PLEKHG1: variants seen among roughly 807,000 people sequenced by gnomAD.
The protein encoded by PLEKHG1 is pleckstrin homology domain-containing family G member 1.
A neutral mutation model predicts 100.8 loss-of-function variants in PLEKHG1; 44 were observed. That is an observed-to-expected ratio of 0.44 (90% CI 0.34 to 0.56). The LOEUF (loss-of-function observed/expected upper bound fraction) is 0.56. PLEKHG1 is among the 20% of genes least tolerant of loss of function. The pLI is 0.01. For missense variants in PLEKHG1, 1,545 were observed against 1,720.9 expected (o/e 0.90, Z 1.81); for synonymous variants, 640 against 662.5 (o/e 0.97, Z 0.52).
intron 2 of PLEKHG1, among the ~76,000 whole-genome samples, chr6:150,740,338 A>G (rs1782782734): frequency 6.6e-6 from 1 of 152,198 alleles, no homozygotes; most frequent in African/African-American, 2.4e-5. Context: ...CTTTTTCCTT[A>G]GCCATAGTGG....
intron 14 of PLEKHG1, among the ~76,000 whole-genome samples, chr6:150,827,046 C>A (rs1343796636): frequency 1.8e-5 from 2 of 110,300 alleles, no homozygotes; most frequent in Non-Finnish European, 3.9e-5. Context: ...TCTTTCTTTT[C>A]TTCCTTCTTT....
intron 4 of PLEKHG1, among the ~76,000 whole-genome samples, chr6:150,789,283 G>A (rs1180795977): frequency 2.0e-5 from 3 of 152,088 alleles, no homozygotes; most frequent in Non-Finnish European, 2.9e-5. Context: ...CTTTTCTTAT[G>A]ATTTATATAT....
chr6:150,812,676 A>T (rs535290289), intron 10 of PLEKHG1, among the ~76,000 whole-genome samples: 3 of 152,336 alleles, frequency 2.0e-5, no homozygotes, highest in African/African-American at 7.2e-5. Flanking sequence ...AGAGCAAAGC[A>T]AGACTTCTCG....
chr6:150,790,332 C>A (rs1049972711), intron 4 of PLEKHG1, among the ~76,000 whole-genome samples: 9 of 152,044 alleles, frequency 5.9e-5, no homozygotes, highest in African/African-American at 2.2e-4. Flanking sequence ...TGGCCAAAAT[C>A]AAAATATTTA....
At chr6:150,675,402 C>T (rs755690559) in intron 3 of PLEKHG1, among the ~76,000 whole-genome samples, 4 of 152,172 alleles carry the variant, frequency 2.6e-5, no homozygotes, top group Admixed American at 6.5e-5. Context: ...GTCTCCTGTG[C>T]GTTCATCACA....
At chr6:150,674,677 CTCT>C (rs1779692298) in intron 3 of PLEKHG1, among the ~76,000 whole-genome samples, 1 of 141,676 alleles carries the variant, frequency 7.1e-6, no homozygotes, top group Non-Finnish European at 1.5e-5. Flanking sequence ...CTCTCTCTCT[CTCT>C]CTCCCCCCTC....
At chr6:150,805,955 T>C (rs953193383) in intron 7 of PLEKHG1, among the ~76,000 whole-genome samples, 2 of 152,274 alleles carry the variant, frequency 1.3e-5, no homozygotes, top group Middle Eastern at 3.4e-3. Flanking sequence ...GGCACCTCAA[T>C]AGATGCACTA....
intron 11 of PLEKHG1, among the ~76,000 whole-genome samples, 156 bp from the exon 13 acceptor site, chr6:150,819,523 G>A (rs1352139178): frequency 1.3e-5 from 2 of 151,938 alleles, no homozygotes; most frequent in Non-Finnish European, 2.9e-5. Context: ...CCGAGATCAT[G>A]CCACCGCACT....
chr6:150,738,989 G>A (rs1782709712), intron 2 of PLEKHG1, among the ~76,000 whole-genome samples: 1 of 152,142 alleles, frequency 6.6e-6, no homozygotes, highest in Non-Finnish European at 1.5e-5. Flanking sequence ...ATGTTTAATG[G>A]GACCTTCGAT....
chr6:150,754,356 T>G (rs117868990), intron 2 of PLEKHG1, among the ~76,000 whole-genome samples: 5,683 of 152,004 alleles, frequency 0.037, 159 homozygotes, highest in Non-Finnish European at 0.059. Flanking sequence ...CCCAGGAAGG[T>G]CGGGAGGGAT....
At chr6:150,715,106 A>C (rs1041566542) in intron 3 of PLEKHG1, among the ~76,000 whole-genome samples, 1 of 152,120 alleles carries the variant, frequency 6.6e-6, no homozygotes, top group African/African-American at 2.4e-5. Context: ...GCCTACTGAC[A>C]GGTATTTTTT....
intron 1 of PLEKHG1, among the ~76,000 whole-genome samples, chr6:150,608,500 C>G (rs1488326484): frequency 6.6e-6 from 1 of 152,150 alleles, no homozygotes; most frequent in Admixed American, 6.5e-5. Flanking sequence ...AAAGTCATAA[C>G]AGCTAGCAAT....
At chr6:150,662,956 C>T (rs1779252866) in intron 3 of PLEKHG1, 1 of 152,080 alleles carries the variant, frequency 6.6e-6, no homozygotes, top group Non-Finnish European at 1.5e-5. Context: ...CTTTAAAGCA[C>T]TTATGAAAAG....
At chr6:150,834,492 G>C (rs537424960) in intron 15 of PLEKHG1, among the ~76,000 whole-genome samples, 1 of 152,294 alleles carries the variant, frequency 6.6e-6, no homozygotes, top group South Asian at 2.1e-4. Context: ...GGGCCAGGTT[G>C]TTTTGAATAT....
chr6:150,703,380 C>T (rs1216387497), intron 3 of PLEKHG1, among the ~76,000 whole-genome samples: 1 of 152,056 alleles, frequency 6.6e-6, no homozygotes, highest in Non-Finnish European at 1.5e-5. Flanking sequence ...GCAGGCAGAT[C>T]GCTTGAGCTC....
intron 1 of PLEKHG1, among the ~76,000 whole-genome samples, chr6:150,631,203 C>T (rs1777733246): frequency 6.6e-6 from 1 of 152,200 alleles, no homozygotes; most frequent in Non-Finnish European, 1.5e-5. Flanking sequence ...TCTAGATCCT[C>T]CAGCCTGTTT....
chr6:150,823,727 C>T, intron 14 of PLEKHG1, 51 bp downstream of exon 15: 1 of 1,358,722 alleles, frequency 7.4e-7, no homozygotes, highest in Non-Finnish European at 1.0e-6. Context: ...AGGCACCTTT[C>T]ATAGGTGTCC....
intron 2 of PLEKHG1, among the ~76,000 whole-genome samples, chr6:150,645,074 T>A (rs1339055445): frequency 6.6e-6 from 1 of 152,188 alleles, no homozygotes; most frequent in African/African-American, 2.4e-5. Flanking sequence ...GCAATGTTAT[T>A]TATATTGCTA....
At chr6:150,662,992 T>C (rs183665240) in intron 3 of PLEKHG1, 1 of 152,292 alleles carries the variant, frequency 6.6e-6, no homozygotes, top group East Asian at 1.9e-4. Context: ...GGGGTCACTT[T>C]AGAGTACACA....
Sources: allele counts gnomAD v4.1 joint callset (sites outside exome capture counted in the v4.1 genomes callset), GRCh38; gene constraint gnomAD v4.1.1; transcripts MANE v1.5; gene names NCBI Gene and HGNC (gene_info 2026-07-23, HGNC 2026-07-21).